Variants in NR2C1 observed in about 807,000 individuals in gnomAD.
NR2C1 encodes TR2 nuclear hormone receptor.
A neutral mutation model predicts 74.8 loss-of-function variants in NR2C1; 33 were observed. That is an observed-to-expected ratio of 0.44 (90% CI 0.33 to 0.59). The LOEUF is 0.59. Among genes scored for constraint, NR2C1 ranks in the 20% least tolerant of loss-of-function variants. The pLI is 0.02. For missense variants in NR2C1, 568 were observed against 715.6 expected, an observed-to-expected ratio of 0.79 and a Z score of 2.35; for synonymous variants, 225 against 240.6, an observed-to-expected ratio of 0.94 and a Z score of 0.60.
At position 95,020,983 on chromosome 12, in the gene NR2C1, C is replaced by T. The variant is rs1345292533; in HGVS notation, c.*1246G>A. On this transcript the variant is annotated 3_prime_UTR_variant, in exon 14 of 14. Coordinates refer to ENST00000333003, the MANE Select transcript of NR2C1 (RefSeq NM_003297.4). Reference sequence around the variant, plus strand: ...ATAATGTTTAAACTTGCCTTGAGAACATGTACTGGCTATGATAAATCCATT... The same window carrying T: ...ATAATGTTTAAACTTGCCTTGAGAATATGTACTGGCTATGATAAATCCATT... 2 of 152,066 alleles carry T rather than the reference C, an allele frequency of 1.3e-5. No homozygotes were observed. The highest frequency in any genetic ancestry group is 6.5e-5 in the Admixed American group (1 of 15,274). 9.4% of individuals were successfully genotyped at this position (152,066 alleles called of 1,614,324 possible). A position where few individuals can be genotyped will look rare whatever the true frequency, so the allele number is the denominator to read the frequency against.
At chr12:95,057,669 G>A in intron 6 of NR2C1, 26 bp from the exon 7 acceptor site, 1 of 1,612,324 alleles carries the variant, frequency 6.2e-7, no homozygotes, top group South Asian at 1.1e-5. Flanking sequence ...ACAAATTTTG[G>A]CCTGAGTTTC....
chr12:95,066,433 C>T (rs763043041), intron 2 of NR2C1, among the ~76,000 whole-genome samples: 1 of 152,150 alleles, frequency 6.6e-6, no homozygotes, highest in African/African-American at 2.4e-5. Context: ...TATACATATA[C>T]ATACATACAT....
At chr12:95,025,037 A>G (rs1053708830) in intron 13 of NR2C1, 113 bp downstream of exon 13, 2 of 529,258 alleles carry the variant, frequency 3.8e-6, no homozygotes, top group African/African-American at 2.0e-5. Context: ...TTAGTATTTC[A>G]AAGTTAAGGT....
At chr12:95,040,740 A>C (rs1370014353) in intron 9 of NR2C1, 143 bp from the exon 10 acceptor site, 2 of 712,498 alleles carry the variant, frequency 2.8e-6, no homozygotes, top group Admixed American at 6.8e-5. Context: ...AATCCAAGTC[A>C]CTAGAATTTA....
In NR2C1 at chr12:95,067,878, C is replaced by CTT. The variant is rs35730526; in HGVS notation, c.-7-489_-7-488dup. Among the ~76,000 whole-genome samples, 90 of 109,996 alleles carry CTT rather than the reference C, an allele frequency of 8.2e-4. 1 individual carries two copies. The highest frequency in any genetic ancestry group is 1.4e-3 in the South Asian group (4 of 2,828). 72.2% of individuals were successfully genotyped at this position (109,996 alleles called of 152,430 possible). A position where few individuals can be genotyped will look rare whatever the true frequency, so the allele number is the denominator to read the frequency against. On this transcript the variant is annotated intron_variant, in intron 1 of 13. Transcript: ENST00000333003. The stretch of plus-strand genomic sequence containing the variant: ...CCACCATGCCCACCCCTCCATGTAT[C>CTT]TTTTTTTTTTTTTTTTTTTTGAGAT...
intron 9 of NR2C1, among the ~76,000 whole-genome samples, chr12:95,042,950 A>C (rs1871781770): frequency 6.6e-6 from 1 of 151,226 alleles, no homozygotes. Context: ...AAAAAAAAAA[A>C]ACCGACACAC....
chr12:95,025,396 C>T (rs1869229709), intron 12 of NR2C1, 141 bp from the exon 13 acceptor site: 3 of 517,560 alleles, frequency 5.8e-6, no homozygotes, highest in South Asian at 2.8e-5. Flanking sequence ...TGGTGGCTCA[C>T]GCCTGTAATC....
At chr12:95,054,475 T>C (rs1483810561) in intron 7 of NR2C1, among the ~76,000 whole-genome samples, 1 of 152,004 alleles carries the variant, frequency 6.6e-6, no homozygotes, top group African/African-American at 2.4e-5. Flanking sequence ...CCTGGGTAAT[T>C]TTTTTATTTT....
rs1296996167 is a variant in NR2C1, at chr12:95,028,403, T to A, written c.1515A>T (p.Ile505=). 16 of 1,610,038 alleles carry A rather than the reference T, an allele frequency of 9.9e-6. No homozygotes were observed. Among genetic ancestry groups the A allele is most frequent in the Non-Finnish European group, 1.4e-5 (16 of 1,177,286 alleles). The change falls in exon 12 of 14, where the codon ATA becomes ATT. Residue 505 remains isoleucine (I), a synonymous_variant. Transcript: ENST00000333003. ...DGYEYAYLKA[I]VLFSPDHPSL... is the part of the protein sequence containing the mutation. ...TTTATATACCTGGACTGAAGAGTAC[T>A]ATTGCCTTCAGGTAGGCATATTCGT...
At chr12:95,062,852 T>A in intron 2 of NR2C1, 114 bp from the exon 3 acceptor site, 1 of 733,338 alleles carries the variant, frequency 1.4e-6, no homozygotes, top group Non-Finnish European at 2.2e-6. Flanking sequence ...ACACGTACCT[T>A]TTAAACTACC....
intron 7 of NR2C1, among the ~76,000 whole-genome samples, chr12:95,053,211 T>G (rs895116917): frequency 2.0e-5 from 3 of 152,170 alleles, no homozygotes; most frequent in African/African-American, 7.2e-5. Flanking sequence ...TGGGCTCAAG[T>G]GATCTACCTG....
chr12:95,030,404 C>A (rs1454221279), intron 11 of NR2C1: 1 of 1,237,158 alleles, frequency 8.1e-7, no homozygotes, highest in South Asian at 2.9e-5. Context: ...AAAACTGAAG[C>A]AGAATAAAGT....
chr12:95,047,790 C>T (rs1440641349), intron 9 of NR2C1, among the ~76,000 whole-genome samples: 3 of 152,142 alleles, frequency 2.0e-5, no homozygotes, highest in Non-Finnish European at 1.5e-5. Context: ...AATGTAAGGT[C>T]TCCACAGTGA....
intron 10 of NR2C1, among the ~76,000 whole-genome samples, chr12:95,037,470 ATTATT>A (rs1458122835): frequency 3.3e-5 from 5 of 152,238 alleles, no homozygotes; most frequent in Non-Finnish European, 5.9e-5. Context: ...GTTTAGTAAA[ATTATT>A]TAAGTTACTG....
At chr12:95,054,904 G>A (rs542253800) in intron 7 of NR2C1, among the ~76,000 whole-genome samples, 88 of 152,270 alleles carry the variant, frequency 5.8e-4, no homozygotes, top group Middle Eastern at 3.4e-3. Context: ...ACCCTGCAGC[G>A]TTCCACAGTG....
intron 8 of NR2C1, among the ~76,000 whole-genome samples, chr12:95,050,139 T>C (rs1159968766): frequency 6.6e-6 from 1 of 152,198 alleles, no homozygotes; most frequent in Admixed American, 6.5e-5. Flanking sequence ...TAGCTAAATC[T>C]AAACTGTAAC....
At chr12:95,029,253 T>C (rs1869752976) in intron 11 of NR2C1, among the ~76,000 whole-genome samples, 1 of 151,830 alleles carries the variant, frequency 6.6e-6, no homozygotes, top group Non-Finnish European at 1.5e-5. Flanking sequence ...GGCTAAATTT[T>C]GTATTTTAGT....
chr12:95,036,273 A>T (rs1365243164), intron 10 of NR2C1, among the ~76,000 whole-genome samples: 3 of 9,752 alleles, frequency 3.1e-4, no homozygotes, highest in Admixed American at 6.4e-4. Flanking sequence ...TGTTGAGATT[A>T]AAAAAAAAAA....
intron 7 of NR2C1, among the ~76,000 whole-genome samples, chr12:95,054,596 C>T (rs1353495363): frequency 6.6e-6 from 1 of 152,036 alleles, no homozygotes; most frequent in African/African-American, 2.4e-5. Context: ...AGCCACTGTG[C>T]CCAGAAAAGC....
Sources: gnomAD v4.1 joint callset for allele counts (sites outside exome capture counted in the v4.1 genomes callset) on GRCh38, gnomAD v4.1.1 for gene constraint, MANE v1.5 for transcripts, NCBI Gene and HGNC (gene_info 2026-07-23, HGNC 2026-07-21) for gene names.